JCAD: variants seen among roughly 807,000 people sequenced by gnomAD.
JCAD encodes junctional cadherin 5-associated protein.
In JCAD, 40 loss-of-function variants were observed where a neutral mutation model predicts 98.0. The ratio of observed to expected loss-of-function variants is 0.41; its 90% CI spans 0.32 to 0.53. The LOEUF (loss-of-function observed/expected upper bound fraction) is 0.53. Among genes scored for constraint, JCAD ranks in the 20% least tolerant of loss-of-function variants. The pLI is 0.31. For synonymous variants in JCAD, 691 were observed against 682.3 expected (o/e 1.01, Z -0.20); for missense variants, 1,705 against 1,738.1 (o/e 0.98, Z 0.34).
At chr10:30,114,599 AAC>A (rs1173994421) in intron 1 of JCAD, among the ~76,000 whole-genome samples, 2 of 148,418 alleles carry the variant, frequency 1.3e-5, no homozygotes, top group African/African-American at 5.0e-5. Context: ...AAAAAAAAAA[AAC>A]CAGGAGGTGT....
At chr10:30,018,751 G>A (rs1316171851) in intron 3 of JCAD, among the ~76,000 whole-genome samples, 1 of 152,074 alleles carries the variant, frequency 6.6e-6, no homozygotes, top group Non-Finnish European at 1.5e-5. Flanking sequence ...GCCTCCTGTG[G>A]TAAGATTTTC....
At chr10:30,051,276 A>ACATG (rs1837462052) in intron 1 of JCAD, among the ~76,000 whole-genome samples, 1 of 113,118 alleles carries the variant, frequency 8.8e-6, no homozygotes, top group Admixed American at 8.4e-5. Flanking sequence ...ACGCACGCAC[A>ACATG]CACGCACGCA....
At chr10:30,112,839 T>G (rs992348771) in intron 1 of JCAD, among the ~76,000 whole-genome samples, 1 of 136,538 alleles carries the variant, frequency 7.3e-6, no homozygotes, top group African/African-American at 2.8e-5. Flanking sequence ...ACCACTGAAC[T>G]CCAGCCTGGG....
In JCAD at chr10:30,027,749, T is replaced by G. The variant is rs1397600171; in HGVS notation, c.2399A>C (p.Glu800Ala). The change falls in exon 3 of 4, where the codon GAG becomes GCG. Residue 800 changes from glutamate to alanine, a missense_variant. Physicochemically the swap from Glu to Ala is moderately radical, Grantham distance 107. Transcript: ENST00000375377. ...GCCCGTGGGCTCCCCCTTCACCACC[T>G]CCCGCTTAGGCCCAGGGTGGGCTCC... Reference protein sequence around the residue: ...GLGAHPGPKREVVKGEPTGPC... With the variant: ...GLGAHPGPKRAVVKGEPTGPC... 1 of 1,614,044 alleles carries G rather than the reference T, an allele frequency of 6.2e-7. No individual in the cohort carries two copies. Among genetic ancestry groups the G allele is most frequent in the Admixed American group, 1.7e-5 (1 of 60,004 alleles).
rs1349160230 is a variant in JCAD at position 30,026,764 on chromosome 10, CA to C, written c.3383del (p.Leu1128CysfsTer33). 6.2e-7 allele frequency: 1 copy of C among 1,614,176 alleles called. No homozygotes were observed. ...CATCTGCCGGTGCTGGGCGAGATAG[CA>C]ACTCTTCCTGGGGGGACTCTGGGGT... ...ACTPESPQEE[L>X]LSRPAPADVP... is the part of the protein sequence containing the mutation. On this transcript the variant is annotated frameshift_variant, in exon 3 of 4. Transcript: ENST00000375377. LOFTEE classifies it high-confidence loss of function.
chr10:30,060,810 T>G (rs561240924), upstream of JCAD, among the ~76,000 whole-genome samples: 2 of 152,276 alleles, frequency 1.3e-5, no homozygotes, highest in Admixed American at 1.3e-4. Context: ...CGGGCACAGA[T>G]GGCAAGCTGC....
Position 30,047,758 on chromosome 10 carries a change from G to A in JCAD, c.55C>T (p.Pro19Ser), listed in dbSNP as rs1267932096. The change falls in exon 2 of 4, where the codon CCC (proline) becomes TCC (serine). Residue 19 changes from proline to serine, a missense_variant. By Grantham distance (74) the Pro-to-Ser change is moderately conservative (BLOSUM62 -1). Around this residue, in one of 3 missense-constraint regions of JCAD, gnomAD observed 152 missense variants for 148.0 expected, o/e 1.03. Coordinates refer to ENST00000375377, the MANE Select transcript of JCAD (RefSeq NM_020848.4). The stretch of plus-strand genomic sequence containing the variant: ...GGGTTATCCTCGCGTGATGCTGGGG[G>A]GTCTCTTGACAGCTTGTATCCATGA... ...ISHGYKLSRD[P>S]PASREDNPKG... The A allele has an allele frequency of 1.9e-6, 3 of 1,614,152 alleles. No individual in the cohort carries two copies. The highest frequency in any genetic ancestry group is 1.7e-5 in the Admixed American group (1 of 60,030).
At position 30,016,135 on chromosome 10, in the gene JCAD, A is replaced by G. The variant is rs1198331810; in HGVS notation, c.*1748T>C. On this transcript the variant is annotated 3_prime_UTR_variant, in exon 4 of 4. Coordinates refer to ENST00000375377, the MANE Select transcript of JCAD (RefSeq NM_020848.4). ...GTTTTGTTTGTTACAGTCCAAATAC[A>G]TAAAGTTATTATGAAATAAAATCAT... 1 of 152,248 alleles carries G rather than the reference A, an allele frequency of 6.6e-6. No individual in the cohort carries two copies. Among genetic ancestry groups the G allele is most frequent in the Non-Finnish European group, 1.5e-5 (1 of 68,050 alleles). The allele number at this position is 152,248 out of a possible 1,614,324, so 9.4% of individuals were successfully genotyped here. A position where few individuals can be genotyped will look rare whatever the true frequency, so the allele number is the denominator to read the frequency against.
intron 1 of JCAD, among the ~76,000 whole-genome samples, chr10:30,114,260 G>A (rs1408469451): frequency 6.6e-6 from 1 of 151,994 alleles, no homozygotes; most frequent in East Asian, 1.9e-4. Flanking sequence ...GATAAATGTG[G>A]GTGGGAGATA....
At chr10:30,091,714 A>ATTTTTTTT (rs11307523) in intron 1 of JCAD, among the ~76,000 whole-genome samples, 1 of 81,752 alleles carries the variant, frequency 1.2e-5, no homozygotes, top group Non-Finnish European at 2.2e-5. Context: ...AAGTTTTTAA[A>ATTTTTTTT]TTTTTTTTTT....
intron 1 of JCAD, among the ~76,000 whole-genome samples, chr10:30,104,679 C>CAAT (rs1838537217): frequency 1.3e-5 from 2 of 152,140 alleles, no homozygotes; most frequent in Admixed American, 6.5e-5. Context: ...TCCCACAATA[C>CAAT]ACCCATGTAA....
In JCAD at chr10:30,029,821, A is replaced by G; in HGVS notation, c.327T>C (p.Thr109=). ...TTCTCCGGTAGGCTTGGTCGTTACC[A>G]GTCGGGGGATGAGAGGACCATGCTG... The part of the protein sequence containing the change: ...PPSAWSSHPP[T]GNDQAYRRRG... The change falls in exon 3 of 4, where the codon ACT becomes ACC. Residue 109 remains threonine (T), a synonymous_variant. Coordinates refer to ENST00000375377, the MANE Select transcript of JCAD (RefSeq NM_020848.4). The G allele has an allele frequency of 6.2e-7, 1 of 1,614,144 alleles. No homozygotes were observed. Among genetic ancestry groups the G allele is most frequent in the South Asian group, 1.1e-5 (1 of 91,088 alleles).
intron 1 of JCAD, among the ~76,000 whole-genome samples, chr10:30,084,615 G>C (rs1368902813): frequency 6.6e-6 from 1 of 152,160 alleles, no homozygotes; most frequent in Non-Finnish European, 1.5e-5. Context: ...TCCACCTTCA[G>C]ACTCAAAGTG....
At chr10:30,106,323 T>C (rs2132714620) in intron 1 of JCAD, among the ~76,000 whole-genome samples, 1 of 152,042 alleles carries the variant, frequency 6.6e-6, no homozygotes, top group South Asian at 2.1e-4. Flanking sequence ...CCCTGCTACT[T>C]GGGAGGCTAA....
chr10:30,088,407 G>T (rs891356721), intron 1 of JCAD, among the ~76,000 whole-genome samples: 2 of 152,128 alleles, frequency 1.3e-5, no homozygotes, highest in African/African-American at 2.4e-5. Context: ...AGCTGTAGGA[G>T]TTCTCACTGC....
intron 1 of JCAD, among the ~76,000 whole-genome samples, chr10:30,075,191 A>G (rs761870574): frequency 6.6e-6 from 1 of 152,226 alleles, no homozygotes; most frequent in Non-Finnish European, 1.5e-5. Flanking sequence ...TCTATGAAGG[A>G]AAAGGCCTTG....
chr10:30,055,047 T>C (rs570321578), intron 1 of JCAD, among the ~76,000 whole-genome samples: 1 of 152,298 alleles, frequency 6.6e-6, no homozygotes, highest in Admixed American at 6.5e-5. Flanking sequence ...AAAGAATAAA[T>C]GAGTAGTAAA....
In JCAD at chr10:30,047,606, G is replaced by A. The variant is rs370060388; in HGVS notation, c.207C>T (p.Ser69=). The A allele has an allele frequency of 9.9e-6, 16 of 1,613,920 alleles. No homozygotes were observed. The highest frequency in any genetic ancestry group is 1.6e-4 in the Middle Eastern group (1 of 6,082). The part of the protein sequence containing the change: ...TSAGKGHVSD[S]ESRRSTPRGH... ...CTCTCGGTGTGCTGCGGCGGCTTTC[G>A]GAGTCACTCACATGTCCTTTCCCCG... The change falls in exon 2 of 4, where the codon TCC becomes TCT. Residue 69 remains serine (S), a synonymous_variant. Transcript: ENST00000375377.
intron 1 of JCAD, among the ~76,000 whole-genome samples, chr10:30,113,904 C>T (rs926890532): frequency 6.6e-6 from 1 of 152,160 alleles, no homozygotes; most frequent in African/African-American, 2.4e-5. Flanking sequence ...ATAGATGGAT[C>T]TTGCTATGTT....
Sources: allele counts gnomAD v4.1 joint callset (sites outside exome capture counted in the v4.1 genomes callset), GRCh38; gene constraint gnomAD v4.1.1; regional missense constraint gnomAD v4.1.1; transcripts MANE v1.5; gene names NCBI Gene and HGNC (gene_info 2026-07-23, HGNC 2026-07-21).